The following PRKCE variants were observed in gnomAD, a reference collection of about 807,000 sequenced individuals.
The protein encoded by PRKCE is protein kinase C epsilon type.
In PRKCE, 16 loss-of-function variants were observed where a neutral mutation model predicts 85.4. The ratio of observed to expected loss-of-function variants is 0.19; its 90% CI spans 0.13 to 0.28. PRKCE has a LOEUF of 0.28. Ranked by LOEUF, PRKCE falls within the 10% of genes least tolerant of loss-of-function variation. PRKCE has a pLI of 1.00. For missense variants in PRKCE, 573 were observed against 975.2 expected (o/e 0.59, Z 5.49); for synonymous variants, 388 against 371.5 (o/e 1.04, Z -0.51).
At chr2:45,772,457 A>G (rs1416329292) in intron 1 of PRKCE, among the ~76,000 whole-genome samples, 4 of 152,168 alleles carry the variant, frequency 2.6e-5, no homozygotes, top group Non-Finnish European at 4.4e-5. Context: ...GAAATGCAAT[A>G]AATACTGTAT....
In PRKCE at chr2:45,758,749, C is replaced by T. The variant is rs548693119; in HGVS notation, c.349-84251C>T. On this transcript the variant is annotated intron_variant, in intron 1 of 14. Coordinates refer to ENST00000306156, the MANE Select transcript of PRKCE (RefSeq NM_005400.3). ...ACTTTGTTTTCTCTACAGTTATGTCCCCTGAGCCTAGGACACTGCCTGGAA... is the reference window on the plus strand; with the variant it reads ...ACTTTGTTTTCTCTACAGTTATGTCTCCTGAGCCTAGGACACTGCCTGGAA... Among the ~76,000 whole-genome samples, 4 of 152,246 alleles carry T rather than the reference C, an allele frequency of 2.6e-5. 1 individual carries two copies. The South Asian group carries it at 6.2e-4, about 24-fold the overall frequency.
At chr2:45,683,990 C>G (rs768269895) in intron 1 of PRKCE, among the ~76,000 whole-genome samples, 4 of 152,232 alleles carry the variant, frequency 2.6e-5, no homozygotes, top group African/African-American at 4.8e-5. Context: ...AAGTTTCAAA[C>G]TGCCTTGCCA....
intron 2 of PRKCE, among the ~76,000 whole-genome samples, chr2:45,912,881 C>G (rs912905486): frequency 6.6e-6 from 1 of 152,124 alleles, no homozygotes; most frequent in African/African-American, 2.4e-5. Flanking sequence ...CCAACCCACG[C>G]CAGAGCCCAG....
intron 11 of PRKCE, among the ~76,000 whole-genome samples, chr2:46,092,342 A>G (rs1670245771): frequency 1.3e-5 from 2 of 152,102 alleles, no homozygotes; most frequent in African/African-American, 4.8e-5. Flanking sequence ...TAGATTCTCC[A>G]AGCCTTTTGA....
chr2:45,942,764 A>T (rs1699976303), intron 2 of PRKCE, among the ~76,000 whole-genome samples: 1 of 152,254 alleles, frequency 6.6e-6, no homozygotes, highest in Non-Finnish European at 1.5e-5. Context: ...TTCAACAATA[A>T]AATGAATTAT....
intron 10 of PRKCE, among the ~76,000 whole-genome samples, chr2:46,066,259 T>A (rs927771635): frequency 2.6e-5 from 4 of 152,226 alleles, no homozygotes; most frequent in Non-Finnish European, 5.9e-5. Flanking sequence ...TATTTCTGCC[T>A]ATACACCTAC....
intron 1 of PRKCE, among the ~76,000 whole-genome samples, chr2:45,734,568 C>T (rs916947394): frequency 2.0e-5 from 3 of 152,204 alleles, no homozygotes; most frequent in African/African-American, 7.2e-5. Flanking sequence ...GGGAATCTGA[C>T]AAACACAAAA....
At chr2:45,899,402 A>C (rs1696402844) in intron 2 of PRKCE, among the ~76,000 whole-genome samples, 1 of 148,110 alleles carries the variant, frequency 6.8e-6, no homozygotes. Flanking sequence ...TTTTTTGTAG[A>C]TAGAGTCTCA....
intron 2 of PRKCE, among the ~76,000 whole-genome samples, chr2:45,908,751 C>T (rs1305885614): frequency 6.6e-6 from 1 of 152,192 alleles, no homozygotes; most frequent in East Asian, 1.9e-4. Context: ...TAAGGTCCCA[C>T]TGGGGCAATG....
intron 1 of PRKCE, among the ~76,000 whole-genome samples, chr2:45,821,416 A>G (rs145999180): frequency 8.5e-5 from 13 of 152,202 alleles, no homozygotes; most frequent in African/African-American, 3.1e-4. Context: ...GGGTGGAGGT[A>G]TAGAGCAGGC....
intron 8 of PRKCE, among the ~76,000 whole-genome samples, 168 bp from the exon 9 acceptor site, chr2:46,007,294 G>C (rs1050733324): frequency 6.6e-6 from 1 of 152,224 alleles, no homozygotes; most frequent in South Asian, 2.1e-4. Context: ...GCCAATAAGA[G>C]TGTGGTGAAC....
intron 1 of PRKCE, among the ~76,000 whole-genome samples, chr2:45,780,393 C>T (rs956888084): frequency 6.6e-6 from 1 of 152,112 alleles, no homozygotes; most frequent in African/African-American, 2.4e-5. Context: ...CCCATGGTGT[C>T]TTTTAACCTG....
At chr2:45,773,703 C>T (rs1426626525) in intron 1 of PRKCE, among the ~76,000 whole-genome samples, 2 of 152,218 alleles carry the variant, frequency 1.3e-5, no homozygotes, top group Non-Finnish European at 2.9e-5. Flanking sequence ...AAAGACGATG[C>T]TTCAGAAATG....
intron 2 of PRKCE, among the ~76,000 whole-genome samples, chr2:45,885,001 A>ATATATTTTTTTTTTTTT (rs1342824133): frequency 4.2e-5 from 3 of 71,544 alleles, no homozygotes; most frequent in Admixed American, 1.5e-4. Flanking sequence ...ATATATATAT[A>ATATATTTTTTTTTTTTT]TTTGTTGTTG....
At chr2:46,114,575 G>A (rs530265395) in intron 11 of PRKCE, among the ~76,000 whole-genome samples, 53 of 151,844 alleles carry the variant, frequency 3.5e-4, no homozygotes, top group Middle Eastern at 6.8e-3. Flanking sequence ...CCGCCACCAC[G>A]CCTGGCTAAT....
intron 2 of PRKCE, among the ~76,000 whole-genome samples, chr2:45,961,464 C>A (rs1458744157): frequency 2.0e-5 from 3 of 152,234 alleles, no homozygotes; most frequent in African/African-American, 7.2e-5. Flanking sequence ...TTTAGGGCTG[C>A]AATGCCTATG....
chr2:46,100,050 C>T (rs1191494390), intron 11 of PRKCE, among the ~76,000 whole-genome samples: 1 of 152,182 alleles, frequency 6.6e-6, no homozygotes, highest in African/African-American at 2.4e-5. Flanking sequence ...TTCCTACCTA[C>T]AAAATATGGT....
intron 2 of PRKCE, among the ~76,000 whole-genome samples, chr2:45,935,535 C>T (rs1208850937): frequency 1.3e-5 from 2 of 152,066 alleles, no homozygotes; most frequent in Non-Finnish European, 2.9e-5. Flanking sequence ...GCCTATAATC[C>T]CAGCACTTTG....
intron 1 of PRKCE, among the ~76,000 whole-genome samples, chr2:45,835,801 T>C (rs1690822660): frequency 6.6e-6 from 1 of 151,992 alleles, no homozygotes. Context: ...CAGTATGTTG[T>C]ACAGGCTGGT....
Sources: gnomAD v4.1 joint callset for allele counts (sites outside exome capture counted in the v4.1 genomes callset) on GRCh38, gnomAD v4.1.1 for gene constraint, MANE v1.5 for transcripts, NCBI Gene and HGNC (gene_info 2026-07-23, HGNC 2026-07-21) for gene names.